The following CADM2 variants were observed in gnomAD, a reference collection of about 807,000 sequenced individuals.
CADM2 encodes immunoglobulin superfamily member 4D.
A neutral mutation model predicts 49.8 loss-of-function variants in CADM2; 12 were observed. The observed-to-expected ratio is 0.24, with a 90% CI of 0.15 to 0.39. The LOEUF (loss-of-function observed/expected upper bound fraction) is 0.39, where lower values mean the gene tolerates loss of function less well. Among genes scored for constraint, CADM2 ranks in the 10% least tolerant of loss-of-function variants. The pLI is 1.00. For synonymous variants in CADM2, 214 were observed against 175.4 expected, an observed-to-expected ratio of 1.22 and a Z score of -1.74; for missense variants, 378 against 492.3, an observed-to-expected ratio of 0.77 and a Z score of 2.20.
chr3:85,329,664 G>A (rs2044858860), intron 1 of CADM2, among the ~76,000 whole-genome samples: 1 of 152,024 alleles, frequency 6.6e-6, no homozygotes, highest in Non-Finnish European at 1.5e-5. Context: ...TTATGTGTGT[G>A]TATAAAGTAA....
chr3:85,254,411 A>C (rs1215528656), intron 1 of CADM2, among the ~76,000 whole-genome samples: 2 of 151,958 alleles, frequency 1.3e-5, no homozygotes, highest in African/African-American at 4.8e-5. Context: ...ATTGGTGATC[A>C]ACTCAACCTG....
Position 85,106,100 on chromosome 3 carries a change from GAAATA to G in CADM2, c.61+146450_61+146454del, listed in dbSNP as rs752254286. On this transcript the variant is annotated intron_variant, in intron 1 of 9. Coordinates refer to ENST00000383699, the MANE Select transcript of CADM2 (RefSeq NM_001167675.2). Reference sequence around the variant, plus strand: ...CCTAAAACTTAAAGTACAATAAAATGAAATAAAATAAAATAAAATAAAGAAAGCTG... The same window carrying G: ...CCTAAAACTTAAAGTACAATAAAATGAAATAAAATAAAATAAAGAAAGCTG... 5.6e-4 allele frequency among the ~76,000 whole-genome samples: 85 copies of G among 151,804 alleles called. 1 individual carries two copies. In the East Asian group the frequency reaches 0.013, roughly 23 times the overall value.
At chr3:85,799,784 A>AT (rs2108065789) in intron 2 of CADM2, among the ~76,000 whole-genome samples, 1 of 152,302 alleles carries the variant, frequency 6.6e-6, no homozygotes, top group South Asian at 2.1e-4. Context: ...CACCTGCCAG[A>AT]TGCCAGCTGG....
intron 3 of CADM2, among the ~76,000 whole-genome samples, chr3:85,882,895 C>T (rs1713024938): frequency 6.6e-6 from 1 of 152,070 alleles, no homozygotes; most frequent in Non-Finnish European, 1.5e-5. Flanking sequence ...GGAAGTCCTG[C>T]AGCAGTCACA....
intron 1 of CADM2, among the ~76,000 whole-genome samples, chr3:85,386,103 G>A (rs2034213518): frequency 6.6e-6 from 1 of 152,068 alleles, no homozygotes; most frequent in East Asian, 1.9e-4. Flanking sequence ...TACTTTATTT[G>A]CATCCTTGCC....
At chr3:85,053,229 T>C (rs778757274) in intron 1 of CADM2, among the ~76,000 whole-genome samples, 17 of 152,064 alleles carry the variant, frequency 1.1e-4, no homozygotes, top group Non-Finnish European at 1.5e-4. Flanking sequence ...TAGTTAGCTA[T>C]GTCATAAAAC....
chr3:85,718,234 C>T (rs1163884599), intron 1 of CADM2, among the ~76,000 whole-genome samples: 3 of 152,166 alleles, frequency 2.0e-5, no homozygotes, highest in Non-Finnish European at 4.4e-5. Flanking sequence ...AAATCATCAA[C>T]ACTCTATTAT....
At chr3:85,268,288 C>G (rs2043163960) in intron 1 of CADM2, among the ~76,000 whole-genome samples, 1 of 151,212 alleles carries the variant, frequency 6.6e-6, no homozygotes, top group South Asian at 2.1e-4. Context: ...CCTATGAATA[C>G]AAATAATTTT....
intron 1 of CADM2, among the ~76,000 whole-genome samples, chr3:85,556,270 G>A (rs1157376374): frequency 6.6e-6 from 1 of 152,050 alleles, no homozygotes; most frequent in Non-Finnish European, 1.5e-5. Context: ...GGGGAGGTTG[G>A]TCATCCTATT....
intron 1 of CADM2, among the ~76,000 whole-genome samples, chr3:85,497,418 G>C (rs914740177): frequency 6.6e-6 from 1 of 151,770 alleles, no homozygotes; most frequent in Admixed American, 6.6e-5. Flanking sequence ...CAGAAAGAAG[G>C]GAAAGTTCTA....
intron 1 of CADM2, among the ~76,000 whole-genome samples, chr3:85,415,585 A>G (rs957035788): frequency 2.0e-5 from 3 of 152,148 alleles, no homozygotes; most frequent in African/African-American, 7.2e-5. Context: ...TCTGGATTGC[A>G]TATGAAATTA....
chr3:85,385,382 C>T (rs2034163493), intron 1 of CADM2, among the ~76,000 whole-genome samples: 1 of 152,140 alleles, frequency 6.6e-6, no homozygotes, highest in Admixed American at 6.6e-5. Context: ...TATAGATTAA[C>T]TGATAGTAGG....
At chr3:85,804,900 A>T (rs898080538) in intron 3 of CADM2, among the ~76,000 whole-genome samples, 2 of 152,140 alleles carry the variant, frequency 1.3e-5, no homozygotes, top group Non-Finnish European at 2.9e-5. Context: ...ACTGCCTTGA[A>T]ATAATAAATA....
chr3:85,161,948 G>T (rs191589084), intron 1 of CADM2, among the ~76,000 whole-genome samples: 1 of 152,164 alleles, frequency 6.6e-6, no homozygotes, highest in Admixed American at 6.5e-5. Flanking sequence ...TGGGGAGGTT[G>T]CAGTGAGCTG....
At chr3:84,976,340 T>G (rs2107116031) in intron 1 of CADM2, among the ~76,000 whole-genome samples, 1 of 151,794 alleles carries the variant, frequency 6.6e-6, no homozygotes, top group East Asian at 1.9e-4. Context: ...ATACTATATT[T>G]ATATTATAGA....
intron 1 of CADM2, among the ~76,000 whole-genome samples, chr3:85,618,916 G>T (rs1054515530): frequency 1.3e-5 from 2 of 151,614 alleles, no homozygotes; most frequent in African/African-American, 2.4e-5. Flanking sequence ...TTGTGGGTGC[G>T]TGTAATCCCA....
At chr3:85,881,277 GTTTT>G (rs539633557) in intron 3 of CADM2, among the ~76,000 whole-genome samples, 3 of 151,286 alleles carry the variant, frequency 2.0e-5, no homozygotes, top group Non-Finnish European at 4.4e-5. Flanking sequence ...AAGGTTTTCT[GTTTT>G]TTTTATTTGT....
rs1156779058 is a variant in CADM2 at position 86,070,466 on chromosome 3, G to A, written c.*3683G>A. 1 of 151,818 alleles carries A rather than the reference G, an allele frequency of 6.6e-6. No individual in the cohort carries two copies. The highest frequency in any genetic ancestry group is 1.5e-5 in the Non-Finnish European group (1 of 67,828). 9.4% of individuals were successfully genotyped at this position (151,818 alleles called of 1,614,324 possible). On this transcript the variant is annotated 3_prime_UTR_variant, in exon 10 of 10. Coordinates refer to ENST00000383699, the MANE Select transcript of CADM2 (RefSeq NM_001167675.2). ...TCTTTGGACATCAAGGTAATTTAGTGGACAACAAATATTAAATTTTACATT... is the reference window on the plus strand; with the variant it reads ...TCTTTGGACATCAAGGTAATTTAGTAGACAACAAATATTAAATTTTACATT...
intron 1 of CADM2, among the ~76,000 whole-genome samples, chr3:85,724,115 C>G (rs1382907486): frequency 6.6e-6 from 1 of 151,842 alleles, no homozygotes; most frequent in East Asian, 1.9e-4. Context: ...CCAAGGAATC[C>G]AATTAAAACA....
Sources: gnomAD v4.1 joint callset for allele counts (sites outside exome capture counted in the v4.1 genomes callset) on GRCh38, gnomAD v4.1.1 for gene constraint, MANE v1.5 for transcripts, NCBI Gene and HGNC (gene_info 2026-07-23, HGNC 2026-07-21) for gene names.